Variants in LMX1B observed in about 807,000 individuals in gnomAD.
LMX1B encodes LIM homeobox transcription factor 1-beta.
In LMX1B, 12 loss-of-function variants were observed where a neutral mutation model predicts 51.4. The observed-to-expected ratio is 0.23, with a 90% CI of 0.15 to 0.38. The LOEUF (loss-of-function observed/expected upper bound fraction) is 0.38, where lower values mean the gene tolerates loss of function less well. LMX1B is among the 10% of genes least tolerant of loss of function. LMX1B has a pLI of 1.00. For synonymous variants in LMX1B, 237 were observed against 235.4 expected (o/e 1.01, Z -0.06); for missense variants, 445 against 571.1 (o/e 0.78, Z 2.25).
intron 2 of LMX1B, among the ~76,000 whole-genome samples, chr9:126,628,956 C>T (rs554001566): frequency 1.3e-5 from 2 of 150,432 alleles, no homozygotes; most frequent in Admixed American, 1.3e-4. Context: ...ATTAAAAACT[C>T]CAGCATATTT....
At chr9:126,655,263 C>T (rs1053160625) in intron 2 of LMX1B, among the ~76,000 whole-genome samples, 4 of 152,206 alleles carry the variant, frequency 2.6e-5, no homozygotes, top group African/African-American at 9.7e-5. Context: ...TGAGCCTTGC[C>T]GCCTCACCCG....
chr9:126,633,859 T>C (rs1316177173), intron 2 of LMX1B, among the ~76,000 whole-genome samples: 1 of 152,180 alleles, frequency 6.6e-6, no homozygotes, highest in Non-Finnish European at 1.5e-5. Context: ...AGGCAGAGCC[T>C]GTTATTATCC....
intron 2 of LMX1B, among the ~76,000 whole-genome samples, chr9:126,621,820 G>C (rs1253435829): frequency 6.6e-6 from 1 of 152,170 alleles, no homozygotes; most frequent in African/African-American, 2.4e-5. Context: ...TGACGGGGCA[G>C]TGAAGGGCTT....
At chr9:126,676,065 A>G (rs957652431) in intron 2 of LMX1B, among the ~76,000 whole-genome samples, 2 of 151,162 alleles carry the variant, frequency 1.3e-5, no homozygotes, top group African/African-American at 4.9e-5. Flanking sequence ...AAAAAAAAAA[A>G]ATGTTCAGTA....
At chr9:126,686,391 G>A (rs1244402559) in intron 2 of LMX1B, among the ~76,000 whole-genome samples, 4 of 152,000 alleles carry the variant, frequency 2.6e-5, no homozygotes, top group Non-Finnish European at 5.9e-5. Flanking sequence ...AATAAATTGA[G>A]CATTAAACAA....
intron 2 of LMX1B, among the ~76,000 whole-genome samples, chr9:126,689,721 TGATGGGA>T (rs66574319): frequency 0.095 from 14,423 of 152,004 alleles, 1,022 homozygotes; most frequent in East Asian, 0.34. Flanking sequence ...TCTGCAGAGA[TGATGGGA>T]GATGGGAGAT....
intron 2 of LMX1B, among the ~76,000 whole-genome samples, chr9:126,672,452 GTTTAT>G (rs529926710): frequency 5.3e-5 from 8 of 152,134 alleles, no homozygotes; most frequent in East Asian, 1.9e-4. Flanking sequence ...CAGAGACTCA[GTTTAT>G]TTTATTTTAT....
rs372631218 is a variant in LMX1B, at chr9:126,641,107, C to G, written c.326+25538C>G. 13 of 152,476 alleles carry G rather than the reference C, an allele frequency of 8.5e-5. 1 individual carries two copies. Among genetic ancestry groups the G allele is most frequent in the African/African-American group, 3.1e-4 (13 of 41,572 alleles). 9.4% of individuals were successfully genotyped at this position (152,476 alleles called of 1,614,324 possible). ...CGAGGCACAGAGCTGAGTAGGCAAC[C>G]TGGCACGGGGGCATGTGGAAGGAGC... On this transcript the variant is annotated intron_variant, in intron 2 of 7. Transcript: ENST00000373474. The surrounding 1 kb of genome is among the most constrained non-coding windows in gnomAD (Gnocchi z 4.1).
intron 2 of LMX1B, among the ~76,000 whole-genome samples, chr9:126,624,716 A>G (rs1187239998): frequency 6.6e-6 from 1 of 150,870 alleles, no homozygotes; most frequent in East Asian, 1.9e-4. Context: ...GGTTGTATCA[A>G]TCCACAAATA....
chr9:126,621,677 T>C lies in LMX1B; in HGVS notation c.326+6108T>C, dbSNP rs1331867119. ...CTTCTTTTTTTTTTTTTTTTTTTTT[T>C]TTTTGCAGTAAATGTTTATTTGTTG... is the stretch of plus-strand genomic sequence containing the variant. On this transcript the variant is annotated intron_variant, in intron 2 of 7. Coordinates refer to ENST00000373474, the MANE Select transcript of LMX1B (RefSeq NM_001174147.2). 2.5e-3 allele frequency among the ~76,000 whole-genome samples: 169 copies of C among 67,290 alleles called. 1 individual carries two copies. The highest frequency in any genetic ancestry group is 5.9e-3 in the African/African-American group (163 of 27,410). 44.1% of individuals were successfully genotyped at this position (67,290 alleles called of 152,430 possible). A position where few individuals can be genotyped will look rare whatever the true frequency, so the allele number is the denominator to read the frequency against.
chr9:126,628,851 G>C (rs1161799928), intron 2 of LMX1B, among the ~76,000 whole-genome samples: 1 of 152,122 alleles, frequency 6.6e-6, no homozygotes, highest in Admixed American at 6.5e-5. Context: ...ACAGCCAAGC[G>C]GGGAGGGGGG....
At position 126,671,743 on chromosome 9, in the gene LMX1B, G is replaced by A. The variant is rs548548967; in HGVS notation, c.327-19093G>A. 6.6e-5 allele frequency among the ~76,000 whole-genome samples: 10 copies of A among 152,308 alleles called. No individual in the cohort carries two copies. The highest frequency in any genetic ancestry group is 8.8e-5 in the Non-Finnish European group (6 of 68,024). On this transcript the variant is annotated intron_variant, in intron 2 of 7. Coordinates refer to ENST00000373474, the MANE Select transcript of LMX1B (RefSeq NM_001174147.2). This position sits in a 1 kb window ranked among gnomAD's most constrained non-coding sequence, Gnocchi z 4.4. The stretch of plus-strand genomic sequence containing the variant: ...GGGTCACCAGGCACACAAAGGCAGT[G>A]TAATATCCTGTGGGCTTACTCGGGG...
At chr9:126,617,875 A>G (rs1161502009) in intron 2 of LMX1B, among the ~76,000 whole-genome samples, 1 of 113,806 alleles carries the variant, frequency 8.8e-6, no homozygotes, top group Non-Finnish European at 1.6e-5. Flanking sequence ...CCAATTAGGT[A>G]TCTGCGTTAG....
chr9:126,666,908 G>T (rs1248709228), intron 2 of LMX1B, among the ~76,000 whole-genome samples: 2 of 152,220 alleles, frequency 1.3e-5, no homozygotes, highest in African/African-American at 4.8e-5. Flanking sequence ...CTCAGCCCTG[G>T]GAGAACAGTC....
chr9:126,662,546 AC>A (rs1191844878), intron 2 of LMX1B, among the ~76,000 whole-genome samples: 1 of 152,064 alleles, frequency 6.6e-6, no homozygotes, highest in African/African-American at 2.4e-5. Flanking sequence ...ATTCTGCAGA[AC>A]CAGTTCCCTG....
intron 2 of LMX1B, 91 bp from the exon 3 acceptor site, chr9:126,690,745 C>T: frequency 1.8e-6 from 2 of 1,136,462 alleles, no homozygotes; most frequent in South Asian, 1.3e-5. Context: ...GCCTGAGGGT[C>T]AGGGTGGCAA....
chr9:126,679,440 A>G, intron 2 of LMX1B, among the ~76,000 whole-genome samples: 1 of 149,020 alleles, frequency 6.7e-6, no homozygotes, highest in East Asian at 2.0e-4. Context: ...TGGATGGGTA[A>G]GTGGAAGGAT....
At position 126,699,327 on chromosome 9, in the gene LMX1B, CA is replaced by C. The variant is rs1264568133; in HGVS notation, c.*2877del. The C allele has an allele frequency of 6.6e-6, 1 of 152,216 alleles. No individual in the cohort carries two copies. Among genetic ancestry groups the C allele is most frequent in the Admixed American group, 6.5e-5 (1 of 15,288 alleles). The allele number at this position is 152,216 out of a possible 1,614,324, so 9.4% of individuals were successfully genotyped here. A position where few individuals can be genotyped will look rare whatever the true frequency, so the allele number is the denominator to read the frequency against. On this transcript the variant is annotated 3_prime_UTR_variant, in exon 8 of 8. Coordinates refer to ENST00000373474, the MANE Select transcript of LMX1B (RefSeq NM_001174147.2). ...TGTGGTTTGTGAATGACCTCCAGGT[CA>C]GGGGGTCACAACTTGTTCTTAGTAA...
intron 2 of LMX1B, among the ~76,000 whole-genome samples, chr9:126,624,183 TGCAGCA>T (rs1835475420): frequency 1.3e-5 from 2 of 152,192 alleles, no homozygotes; most frequent in African/African-American, 4.8e-5. Context: ...TCCAGGGCCC[TGCAGCA>T]GCTTTCGGGC....
Sources: gnomAD v4.1 joint callset for allele counts (sites outside exome capture counted in the v4.1 genomes callset) on GRCh38, gnomAD v4.1.1 for gene constraint, Gnocchi (gnomAD v3.1) non-coding constraint, MANE v1.5 for transcripts, NCBI Gene and HGNC (gene_info 2026-07-23, HGNC 2026-07-21) for gene names.